RASSF3: variants seen among roughly 807,000 people sequenced by gnomAD.
RASSF3 encodes the protein ras association domain-containing protein 3.
RASSF3 carries 19 observed loss-of-function variants against 19.9 expected under a neutral mutation model. That is an observed-to-expected ratio of 0.96 (90% CI 0.67 to 1.40). The LOEUF is 1.40. Among genes scored for constraint, RASSF3 ranks in the 40% most tolerant of loss-of-function variants. The pLI, the probability that RASSF3 is intolerant of heterozygous loss-of-function variation, is 0.00. For synonymous variants in RASSF3, 110 were observed against 104.2 expected, an observed-to-expected ratio of 1.06 and a Z score of -0.34; for missense variants, 306 against 289.8, an observed-to-expected ratio of 1.06 and a Z score of -0.41.
At chr12:64,509,836 C>G (rs1390551718) in intron 1 of RASSF3, among the ~76,000 whole-genome samples, 1 of 152,032 alleles carries the variant, frequency 6.6e-6, no homozygotes, top group African/African-American at 2.4e-5. Flanking sequence ...GCTATGATCC[C>G]AGAACTTTGC....
intron 2 of RASSF3, among the ~76,000 whole-genome samples, chr12:64,585,677 T>C (rs1869784850): frequency 6.8e-6 from 1 of 147,024 alleles, no homozygotes; most frequent in African/African-American, 2.5e-5. Flanking sequence ...TAATCACGGC[T>C]CATTCCAGCC....
chr12:64,687,922 T>C (rs1325000640), intron 2 of RASSF3, among the ~76,000 whole-genome samples: 6 of 152,164 alleles, frequency 3.9e-5, no homozygotes, highest in African/African-American at 1.4e-4. Context: ...ACCCTGACCT[T>C]TTGCCAGTAG....
intron 1 of RASSF3, among the ~76,000 whole-genome samples, chr12:64,640,007 T>C (rs1428510292): frequency 6.6e-6 from 1 of 152,248 alleles, no homozygotes; most frequent in African/African-American, 2.4e-5. Context: ...GCAGATTTAA[T>C]GTAGGTAGAT....
chr12:64,692,398 C>A (rs541930809), intron 4 of RASSF3, among the ~76,000 whole-genome samples: 1 of 152,316 alleles, frequency 6.6e-6, no homozygotes, highest in African/African-American at 2.4e-5. Context: ...GTTTTAAAAT[C>A]TGTTAAGTGG....
chr12:64,691,136 A>G (rs970430936), intron 3 of RASSF3, among the ~76,000 whole-genome samples: 1 of 152,242 alleles, frequency 6.6e-6, no homozygotes, highest in Non-Finnish European at 1.5e-5. Context: ...TATTGGGATT[A>G]CAGGCATGAG....
intron 2 of RASSF3, among the ~76,000 whole-genome samples, chr12:64,561,415 C>A (rs1869344688): frequency 6.6e-6 from 1 of 152,200 alleles, no homozygotes; most frequent in African/African-American, 2.4e-5. Context: ...CCACGCATTG[C>A]CGCACATTTG....
chr12:64,553,750 G>A (rs1869204746), intron 2 of RASSF3, among the ~76,000 whole-genome samples: 1 of 152,100 alleles, frequency 6.6e-6, no homozygotes, highest in Non-Finnish European at 1.5e-5. Flanking sequence ...GTGGAGGTGG[G>A]TGAATCACTT....
chr12:64,533,027 C>T (rs567577600), upstream of RASSF3, among the ~76,000 whole-genome samples: 3 of 152,356 alleles, frequency 2.0e-5, no homozygotes, highest in African/African-American at 4.8e-5. Context: ...GACGCTCCCT[C>T]AGCCTCTTCT....
intron 1 of RASSF3, among the ~76,000 whole-genome samples, chr12:64,642,826 C>G (rs1029372006): frequency 6.6e-5 from 10 of 150,820 alleles, no homozygotes; most frequent in African/African-American, 1.7e-4. Context: ...GTTGTGCTGC[C>G]ACTTAGAACT....
At chr12:64,515,071 C>A (rs1020716343) in intron 1 of RASSF3, among the ~76,000 whole-genome samples, 2 of 142,030 alleles carry the variant, frequency 1.4e-5, no homozygotes, top group East Asian at 2.0e-4. Flanking sequence ...TTATTTTTTT[C>A]TTTGAGACAA....
intron 1 of RASSF3, among the ~76,000 whole-genome samples, chr12:64,624,162 G>A (rs1436329293): frequency 6.6e-6 from 1 of 151,814 alleles, no homozygotes; most frequent in Admixed American, 6.6e-5. Flanking sequence ...TTTCATAAAG[G>A]CAAACCTAGC....
intron 1 of RASSF3, among the ~76,000 whole-genome samples, chr12:64,521,371 G>A (rs2136104223): frequency 6.6e-6 from 1 of 152,306 alleles, no homozygotes. Context: ...AGATCCCAAT[G>A]TCAGAGTTTC....
intron 3 of RASSF3, among the ~76,000 whole-genome samples, chr12:64,689,308 A>G (rs1363773280): frequency 6.6e-6 from 1 of 152,012 alleles, no homozygotes; most frequent in Non-Finnish European, 1.5e-5. Flanking sequence ...GCTATAGAAG[A>G]AAATATATTA....
chr12:64,607,277 CAA>C (rs1239058842), upstream of RASSF3, among the ~76,000 whole-genome samples: 23 of 123,860 alleles, frequency 1.9e-4, no homozygotes, highest in African/African-American at 2.1e-4. Context: ...GGCCCTGTCT[CAA>C]AAAAAAAAAA....
chr12:64,602,455 C>A (rs1870109411), intron 2 of RASSF3, among the ~76,000 whole-genome samples: 1 of 151,662 alleles, frequency 6.6e-6, no homozygotes, highest in Non-Finnish European at 1.5e-5. Context: ...GTGGTGCACA[C>A]CTGTAGTCCC....
intron 1 of RASSF3, among the ~76,000 whole-genome samples, chr12:64,539,986 A>T (rs1295783009): frequency 6.6e-6 from 1 of 152,206 alleles, no homozygotes; most frequent in Non-Finnish European, 1.5e-5. Flanking sequence ...CTCATAGCCC[A>T]TAGAATGGTC....
At chr12:64,621,465 G>T (rs1029275191) in intron 1 of RASSF3, among the ~76,000 whole-genome samples, 6 of 152,008 alleles carry the variant, frequency 3.9e-5, no homozygotes, top group African/African-American at 1.5e-4. Context: ...GTACCAAAAG[G>T]ATATTACATA....
At chr12:64,687,764 C>T (rs531336503) in intron 2 of RASSF3, among the ~76,000 whole-genome samples, 173 of 152,216 alleles carry the variant, frequency 1.1e-3, no homozygotes, top group African/African-American at 4.0e-3. Context: ...TTTCAGAGCC[C>T]TAATTGTGAC....
intron 1 of RASSF3, among the ~76,000 whole-genome samples, chr12:64,682,818 G>A (rs1439772474): frequency 6.6e-6 from 1 of 152,204 alleles, no homozygotes. Context: ...GGCAGAAAGA[G>A]GCGTGTTTAC....
Sources: allele counts gnomAD v4.1 joint callset (sites outside exome capture counted in the v4.1 genomes callset), GRCh38; gene constraint gnomAD v4.1.1; transcripts MANE v1.5; gene names NCBI Gene and HGNC (gene_info 2026-07-23, HGNC 2026-07-21).